Variants in PHB2 observed in about 807,000 individuals in gnomAD.
PHB2 encodes the protein prohibitin-2.
PHB2 carries 22 observed loss-of-function variants against 46.4 expected under a neutral mutation model. The ratio of observed to expected loss-of-function variants is 0.47; its 90% confidence interval spans 0.34 to 0.68. The LOEUF (loss-of-function observed/expected upper bound fraction) is 0.68. PHB2 is among the 30% of genes least tolerant of loss of function. The pLI is 0.01. For synonymous variants in PHB2, 156 were observed against 150.5 expected (o/e 1.04, Z -0.27); for missense variants, 305 against 382.8 (o/e 0.80, Z 1.70).
At position 6,970,655 on chromosome 12, in the gene PHB2, C is replaced by CT; in HGVS notation, c.-113dup. The CT allele has an allele frequency of 1.5e-6, 2 of 1,329,690 alleles. No homozygotes were observed. The highest frequency in any genetic ancestry group is 2.0e-6 in the Non-Finnish European group (2 of 981,800). 82.4% of individuals were successfully genotyped at this position (1,329,690 alleles called of 1,614,324 possible). On this transcript the variant is annotated 5_prime_UTR_variant, in exon 1 of 10. Coordinates refer to ENST00000535923, the MANE Select transcript of PHB2 (RefSeq NM_001144831.2). ...CACACGAGGGTTCGGGCCCGTAAGG[C>CT]TGGCGAAAGAAAGGGCAGCGGAAGT...
chr12:6,967,916 C>G lies in PHB2; in HGVS notation c.583G>C (p.Ala195Pro). 1.2e-6 allele frequency: 2 copies of G among 1,613,928 alleles called. No homozygotes were observed. Among genetic ancestry groups the G allele is most frequent in the Non-Finnish European group, 1.7e-6 (2 of 1,179,842 alleles). ...CCCACTTGTTTGGCTTCTACAGCAG[C>G]TGTGTACTCTCGGCTAAAGCTCAGC... ...TELSFSREYT[A>P]AVEAKQVAQQ... is the part of the protein sequence containing the mutation. The change falls in exon 5 of 10, where the codon GCT becomes CCT. Residue 195 changes from alanine (A) to proline (P), a missense_variant. Physicochemically the swap from Ala to Pro is conservative, Grantham distance 27. Coordinates refer to ENST00000535923, the MANE Select transcript of PHB2 (RefSeq NM_001144831.2). This position sits in a 1 kb window ranked among gnomAD's most constrained non-coding sequence, Gnocchi z 4.9.
intron 2 of PHB2, chr12:6,969,968 G>T: frequency 1.4e-6 from 1 of 693,980 alleles, no homozygotes; most frequent in Non-Finnish European, 2.6e-6. Flanking sequence ...CGCGTTTTTT[G>T]GCCTGCTCCT....
chr12:6,969,662 G>T, intron 2 of PHB2, 85 bp from the exon 3 acceptor site: 2 of 717,074 alleles, frequency 2.8e-6, no homozygotes, highest in South Asian at 1.6e-5. Flanking sequence ...CACTTTGGGA[G>T]GCCGAGGCGG....
Position 6,967,267 on chromosome 12 carries a change from C to T in PHB2, c.712-19G>A. On this transcript the variant is annotated intron_variant, in intron 6 of 9. Coordinates refer to ENST00000535923, the MANE Select transcript of PHB2 (RefSeq NM_001144831.2). This position sits in a 1 kb window ranked among gnomAD's most constrained non-coding sequence, Gnocchi z 4.9. ...CTCCAAGGTGAGGAGGGTTAAGGTA[C>T]ACGCAAGGGCAGGTCTCAATCCCTG... The T allele has an allele frequency of 3.7e-6, 6 of 1,613,606 alleles. No individual in the cohort carries two copies. Among genetic ancestry groups the T allele is most frequent in the Non-Finnish European group, 5.1e-6 (6 of 1,179,558 alleles).
intron 3 of PHB2, 134 bp downstream of exon 3, chr12:6,969,364 A>G: frequency 1.9e-6 from 1 of 526,964 alleles, no homozygotes; most frequent in Non-Finnish European, 3.5e-6. Context: ...CCCAGGAGGC[A>G]GGTATTTTTG....
chr12:6,969,561 A>G lies in PHB2; in HGVS notation c.229T>C (p.Tyr77His). 1 of 1,607,630 alleles carries G rather than the reference A, an allele frequency of 6.2e-7. No individual in the cohort carries two copies. The highest frequency in any genetic ancestry group is 8.5e-7 in the Non-Finnish European group (1 of 1,174,800). The part of the protein sequence containing the change: ...GLHFRIPWFQ[Y>H]PIIYDIRARP... ...GCCCGAATGTCATAGATAATGGGGT[A>G]CTGGAACCAAGGGATCCTGGAGAGG... Residue 77 changes from tyrosine (Y) to histidine (H), a missense_variant, in exon 3 of 10, where the codon TAC becomes CAC. Tyr to His is a moderately conservative substitution (Grantham distance 83). This residue lies in a region of PHB2 where 241 missense variants were observed against 302.7 expected (regional missense o/e 0.80). Transcript: ENST00000535923.
intron 4 of PHB2, 126 bp downstream of exon 4, chr12:6,968,285 C>G (rs1946250955): frequency 1.3e-6 from 1 of 754,372 alleles, no homozygotes. Context: ...GCAATTAGCA[C>G]AGCTTTTAGG....
rs782720666 is a variant in PHB2, at chr12:6,967,526, C to G, written c.711+150G>C. 11 of 907,120 alleles carry G rather than the reference C, an allele frequency of 1.2e-5. No individual in the cohort carries two copies. The highest frequency in any genetic ancestry group is 2.0e-5 in the Non-Finnish European group (11 of 546,614). The allele number at this position is 907,120 out of a possible 1,614,324, so 56.2% of individuals were successfully genotyped here. The stretch of plus-strand genomic sequence containing the variant: ...AGGTACTACCACTAAGATTTCAGAT[C>G]TCATCTGTAGTCCCCACCCCCAACA... On this transcript the variant is annotated intron_variant, in intron 6 of 9. Transcript: ENST00000535923. The surrounding 1 kb of genome is among the most constrained non-coding windows in gnomAD (Gnocchi z 4.9).
Position 6,970,055 on chromosome 12 carries a change from C to T in PHB2, c.212+141G>A, listed in dbSNP as rs782587684. 1.5e-4 allele frequency: 111 copies of T among 739,774 alleles called. 1 individual carries two copies. The South Asian group carries it at 1.6e-3, about 10-fold the overall frequency. The allele number at this position is 739,774 out of a possible 1,614,324, so 45.8% of individuals were successfully genotyped here. A position where few individuals can be genotyped will look rare whatever the true frequency, so the allele number is the denominator to read the frequency against. On this transcript the variant is annotated intron_variant, in intron 2 of 9. Coordinates refer to ENST00000535923, the MANE Select transcript of PHB2 (RefSeq NM_001144831.2). ...GTTTGTATGCTGCTGGAGGTTCTCG[C>T]AGCACCCACTATCCTAGGGGCAGGG...
intron 3 of PHB2, 28 bp downstream of exon 3, chr12:6,969,470 C>A: frequency 7.6e-7 from 1 of 1,308,960 alleles, no homozygotes; most frequent in Non-Finnish European, 1.1e-6. Context: ...TCCCACCTGC[C>A]ATGTGATTAC....
Position 6,967,079 on chromosome 12 carries a change from A to G in PHB2, c.789+92T>C. On this transcript the variant is annotated intron_variant, in intron 7 of 9. Transcript: ENST00000535923. This position sits in a 1 kb window ranked among gnomAD's most constrained non-coding sequence, Gnocchi z 4.9. Reference sequence around the variant, plus strand: ...GCCAATCTGAGTAGAAACCGGAACAAGCAAGGTTCGAATTCCCTCACCTCA... The same window carrying G: ...GCCAATCTGAGTAGAAACCGGAACAGGCAAGGTTCGAATTCCCTCACCTCA... The G allele has an allele frequency of 9.1e-7, 1 of 1,100,976 alleles. No individual in the cohort carries two copies. Among genetic ancestry groups the G allele is most frequent in the Admixed American group, 2.0e-5 (1 of 49,736 alleles). 68.2% of individuals were successfully genotyped at this position (1,100,976 alleles called of 1,614,324 possible). A position where few individuals can be genotyped will look rare whatever the true frequency, so the allele number is the denominator to read the frequency against.
intron 8 of PHB2, 32 bp from the exon 9 acceptor site, chr12:6,965,948 A>G (rs782192997): frequency 1.1e-5 from 17 of 1,597,046 alleles, no homozygotes; most frequent in Non-Finnish European, 1.4e-5. Context: ...TGAACAAGAA[A>G]CAGAGAAGAG....
At position 6,967,875 on chromosome 12, in the gene PHB2, C is replaced by T. The variant is rs781803953; in HGVS notation, c.607+17G>A. ...CTGCATCTCAGAAGCCCTCACCCCA[C>T]GGCTCTTGCGACTCACCCACTTGTT... On this transcript the variant is annotated intron_variant, in intron 5 of 9. Transcript: ENST00000535923. This position sits in a 1 kb window ranked among gnomAD's most constrained non-coding sequence, Gnocchi z 4.9. 44 of 1,612,816 alleles carry T rather than the reference C, an allele frequency of 2.7e-5. No individual in the cohort carries two copies. The highest frequency in any genetic ancestry group is 1.6e-4 in the East Asian group (7 of 44,868).
In PHB2 at chr12:6,965,362, G is replaced by A. The variant is rs1179016127; in HGVS notation, c.*323C>T. The A allele has an allele frequency of 2.4e-6, 1 of 420,604 alleles. No homozygotes were observed. The highest frequency in any genetic ancestry group is 4.4e-6 in the Non-Finnish European group (1 of 225,158). The allele number at this position is 420,604 out of a possible 1,614,324, so 26.1% of individuals were successfully genotyped here. ...ACGTGAAGCCTTGACTTCAGGTTAA[G>A]TAATAAAAATTTATTGAGAATTCCT... On this transcript the variant is annotated 3_prime_UTR_variant, in exon 10 of 10. Transcript: ENST00000535923.
At position 6,968,611 on chromosome 12, in the gene PHB2, G is replaced by A. The variant is rs1555151330; in HGVS notation, c.293-16C>T. 2 of 1,609,318 alleles carry A rather than the reference G, an allele frequency of 1.2e-6. No individual in the cohort carries two copies. The highest frequency in any genetic ancestry group is 1.7e-6 in the Non-Finnish European group (2 of 1,176,894). ...ATCTGTAGGTCTGAGATTGAGGTCA[G>A]CAGTGGCTGGTCAAGGCCAAACACC... On this transcript the variant is annotated splice_polypyrimidine_tract_variant and intron_variant, in intron 3 of 9. Coordinates refer to ENST00000535923, the MANE Select transcript of PHB2 (RefSeq NM_001144831.2).
Position 6,970,202 on chromosome 12 carries a change from T to G in PHB2, c.206A>C (p.His69Pro). 6.2e-7 allele frequency: 1 copy of G among 1,612,838 alleles called. No homozygotes were observed. The highest frequency in any genetic ancestry group is 8.5e-7 in the Non-Finnish European group (1 of 1,179,074). Residue 69 changes from histidine (H) to proline (P), a missense_variant, in exon 2 of 10, where the codon CAC (histidine) becomes CCC (proline). Transcript: ENST00000535923. The part of the protein sequence containing the change: ...QQDTILAEGL[H>P]FRIPWFQYPI... ...AGGCTCTGCCCGCCATTACCTGAAG[T>G]GAAGGCCCTCGGCCAGGATAGTGTC...
chr12:6,967,819 A>G lies in PHB2; in HGVS notation c.608-40T>C, dbSNP rs782527049. On this transcript the variant is annotated intron_variant, in intron 5 of 9. Coordinates refer to ENST00000535923, the MANE Select transcript of PHB2 (RefSeq NM_001144831.2). The surrounding 1 kb of genome is among the most constrained non-coding windows in gnomAD (Gnocchi z 4.9). ...AGTCAGGGAGACCCTGTCCTGGGTC[A>G]GGAGCCCCACCCATGGAGTCTTTCC... 1 of 1,608,758 alleles carries G rather than the reference A, an allele frequency of 6.2e-7. No homozygotes were observed. Among genetic ancestry groups the G allele is most frequent in the African/African-American group, 1.3e-5 (1 of 74,934 alleles).
intron 8 of PHB2, 90 bp from the exon 9 acceptor site, chr12:6,966,006 C>A: frequency 7.4e-7 from 1 of 1,356,108 alleles, no homozygotes; most frequent in Non-Finnish European, 1.0e-6. Context: ...AGCTTTGAAC[C>A]CTCCTTTGCT....
Position 6,967,072 on chromosome 12 carries a change from C to T in PHB2, c.789+99G>A, listed in dbSNP as rs782611065. On this transcript the variant is annotated intron_variant, in intron 7 of 9. Coordinates refer to ENST00000535923, the MANE Select transcript of PHB2 (RefSeq NM_001144831.2). The surrounding 1 kb of genome is among the most constrained non-coding windows in gnomAD (Gnocchi z 4.9). The stretch of plus-strand genomic sequence containing the variant: ...CAGAGAAGCCAATCTGAGTAGAAAC[C>T]GGAACAAGCAAGGTTCGAATTCCCT... The T allele has an allele frequency of 3.8e-6, 4 of 1,053,416 alleles. No homozygotes were observed. The East Asian group carries it at 1.1e-4, about 28-fold the overall frequency. The allele number at this position is 1,053,416 out of a possible 1,614,324, so 65.3% of individuals were successfully genotyped here.
Sources: gnomAD v4.1 joint callset for allele counts on GRCh38, gnomAD v4.1.1 for gene constraint, gnomAD v4.1.1 regional missense constraint, Gnocchi (gnomAD v3.1) non-coding constraint, MANE v1.5 for transcripts, NCBI Gene and HGNC (gene_info 2026-07-23, HGNC 2026-07-21) for gene names.